The following GUCY1A2 variants were observed in gnomAD, a reference collection of about 807,000 sequenced individuals.
GUCY1A2 encodes the protein guanylate cyclase soluble subunit alpha-2.
A neutral mutation model predicts 63.5 loss-of-function variants in GUCY1A2; 27 were observed. The ratio of observed to expected loss-of-function variants is 0.43; its 90% CI spans 0.31 to 0.59. GUCY1A2 has a LOEUF of 0.59. Among genes scored for constraint, GUCY1A2 ranks in the 20% least tolerant of loss-of-function variants. The probability of loss-of-function intolerance (pLI) is 0.11; values close to 1 mark genes in which losing one functional copy is unlikely to be tolerated. For synonymous variants in GUCY1A2, 364 were observed against 343.5 expected (o/e 1.06, Z -0.66); for missense variants, 768 against 913.3 (o/e 0.84, Z 2.05).
chr11:106,939,748 T>TGGA lies in GUCY1A2; in HGVS notation c.915_917dup (p.Pro306dup), dbSNP rs1860726834. On this transcript the variant is annotated inframe_insertion, in exon 4 of 8. Coordinates refer to ENST00000526355, the MANE Select transcript of GUCY1A2 (RefSeq NM_000855.3). ...CCGCAGGAACTTGGGAGGTTCCCTG[T>TGGA]GGAAGGTTCTTCATGATATTAGTAT... 1.2e-6 allele frequency: 2 copies of TGGA among 1,613,958 alleles called. No homozygotes were observed. Among genetic ancestry groups the TGGA allele is most frequent in the East Asian group, 4.5e-5 (2 of 44,878 alleles).
rs898945369 is a variant in GUCY1A2 at position 106,679,818 on chromosome 11, A to G, written c.*7731T>C. 4.6e-6 allele frequency: 1 copy of G among 218,086 alleles called. No individual in the cohort carries two copies. 13.5% of individuals were successfully genotyped at this position (218,086 alleles called of 1,614,324 possible). A position where few individuals can be genotyped will look rare whatever the true frequency, so the allele number is the denominator to read the frequency against. ...TCATTTACCTTAATCATTGTAACCA[A>G]GACTAGTTCTATCTGCCACCTTCAG... On this transcript the variant is annotated 3_prime_UTR_variant, in exon 8 of 8. Transcript: ENST00000526355.
chr11:107,012,105 A>C (rs1861754260), intron 1 of GUCY1A2, among the ~76,000 whole-genome samples: 1 of 152,170 alleles, frequency 6.6e-6, no homozygotes, highest in Non-Finnish European at 1.5e-5. Flanking sequence ...ATTGCCACAC[A>C]GCAGTCAGTA....
chr11:106,893,516 A>T (rs939792595), intron 4 of GUCY1A2, among the ~76,000 whole-genome samples: 1 of 152,178 alleles, frequency 6.6e-6, no homozygotes, highest in African/African-American at 2.4e-5. Flanking sequence ...GTACAACATA[A>T]CTATATAATT....
At chr11:106,823,652 C>T (rs1297767444) in intron 4 of GUCY1A2, among the ~76,000 whole-genome samples, 4 of 151,996 alleles carry the variant, frequency 2.6e-5, no homozygotes, top group African/African-American at 4.8e-5. Context: ...ATTTCCATAC[C>T]GTCTTCCATA....
intron 5 of GUCY1A2, among the ~76,000 whole-genome samples, chr11:106,794,086 A>T (rs3912582): frequency 0.27 from 40,787 of 152,090 alleles, 5,595 homozygotes; most frequent in Middle Eastern, 0.31. Context: ...CCAAGATGTA[A>T]CATCAACCTG....
chr11:106,874,509 T>C (rs575702490), intron 4 of GUCY1A2, among the ~76,000 whole-genome samples: 75 of 152,318 alleles, frequency 4.9e-4, no homozygotes, highest in African/African-American at 1.7e-3. Context: ...CACTGCATAG[T>C]GACTGCTCTG....
At chr11:106,874,864 G>C (rs182406785) in intron 4 of GUCY1A2, among the ~76,000 whole-genome samples, 43 of 152,084 alleles carry the variant, frequency 2.8e-4, no homozygotes, top group Non-Finnish European at 5.1e-4. Context: ...TGAGAATCAA[G>C]ACTGATTCCT....
intron 4 of GUCY1A2, among the ~76,000 whole-genome samples, chr11:106,894,585 AGTCTTACAAT>A: frequency 6.6e-6 from 1 of 152,330 alleles, no homozygotes; most frequent in South Asian, 2.1e-4. Flanking sequence ...AAAGACTAGA[AGTCTTACAAT>A]GTCTTGAAAT....
chr11:106,940,211 G>A (rs1435378955), intron 3 of GUCY1A2, 33 bp from the exon 4 acceptor site: 2 of 956,764 alleles, frequency 2.1e-6, no homozygotes. Flanking sequence ...TGTTAGTGAA[G>A]TCTAATATAA....
At chr11:106,718,835 G>A (rs1342821800) in intron 6 of GUCY1A2, among the ~76,000 whole-genome samples, 1 of 152,082 alleles carries the variant, frequency 6.6e-6, no homozygotes, top group African/African-American at 2.4e-5. Context: ...ATAATGAAGA[G>A]TAATAGCAGA....
chr11:106,870,622 T>C (rs976181611), intron 4 of GUCY1A2, among the ~76,000 whole-genome samples: 7 of 152,232 alleles, frequency 4.6e-5, no homozygotes, highest in Non-Finnish European at 8.8e-5. Context: ...ATTATTATAA[T>C]GGCTGCGTAT....
At chr11:106,936,822 A>G in intron 4 of GUCY1A2, 1 of 589,778 alleles carries the variant, frequency 1.7e-6, no homozygotes, top group East Asian at 2.9e-5. Flanking sequence ...ATAAATATAA[A>G]TTATTTTAAA....
At chr11:106,827,888 C>T (rs962555335) in intron 4 of GUCY1A2, 3 of 1,557,934 alleles carry the variant, frequency 1.9e-6, no homozygotes, top group East Asian at 2.2e-5. Context: ...GCGCTGCCTT[C>T]ATGCTGCCGG....
chr11:106,976,545 G>A (rs1162227512), intron 3 of GUCY1A2, among the ~76,000 whole-genome samples: 1 of 152,126 alleles, frequency 6.6e-6, no homozygotes, highest in Non-Finnish European at 1.5e-5. Context: ...AATATATCAA[G>A]AGTTCTAAAA....
intron 1 of GUCY1A2, among the ~76,000 whole-genome samples, chr11:107,010,700 A>T (rs1481037394): frequency 1.3e-5 from 2 of 152,130 alleles, no homozygotes; most frequent in African/African-American, 4.8e-5. Context: ...GAACAATTAA[A>T]CAAAAACATG....
intron 7 of GUCY1A2, among the ~76,000 whole-genome samples, chr11:106,691,953 T>C (rs1292912820): frequency 6.6e-6 from 1 of 152,114 alleles, no homozygotes; most frequent in Admixed American, 6.5e-5. Flanking sequence ...CTGGGGGGTT[T>C]GTGGAGGAGG....
intron 6 of GUCY1A2, among the ~76,000 whole-genome samples, chr11:106,747,101 C>T (rs937811728): frequency 6.6e-6 from 1 of 152,132 alleles, no homozygotes; most frequent in Non-Finnish European, 1.5e-5. Flanking sequence ...CATTCTCCTG[C>T]CTCAGCCTCC....
chr11:107,017,699 A>G, intron 1 of GUCY1A2, 54 bp downstream of exon 1: 2 of 1,128,392 alleles, frequency 1.8e-6, no homozygotes, highest in Non-Finnish European at 2.3e-6. Flanking sequence ...CGCCAACTTT[A>G]CAGATCCGCG....
At chr11:106,974,716 CT>C (rs1343255272) in intron 3 of GUCY1A2, among the ~76,000 whole-genome samples, 1 of 152,100 alleles carries the variant, frequency 6.6e-6, no homozygotes, top group Non-Finnish European at 1.5e-5. Flanking sequence ...CCCATTCTGA[CT>C]TAAATGTGTT....
Sources: allele counts gnomAD v4.1 joint callset (sites outside exome capture counted in the v4.1 genomes callset), GRCh38; gene constraint gnomAD v4.1.1; transcripts MANE v1.5; gene names NCBI Gene and HGNC (gene_info 2026-07-23, HGNC 2026-07-21).